Variants in TARDBP observed in about 807,000 individuals in gnomAD.
The protein encoded by TARDBP is TAR DNA-binding protein 43.
Under a neutral mutation model 38.3 loss-of-function variants are expected in TARDBP, and 4 were observed. The observed-to-expected ratio is 0.10, with a 90% confidence interval of 0.05 to 0.24. The LOEUF (loss-of-function observed/expected upper bound fraction) is 0.24, where lower values mean the gene tolerates loss of function less well. Among genes scored for constraint, TARDBP ranks in the 10% least tolerant of loss-of-function variants. The pLI is 1.00. For missense variants in TARDBP, 202 were observed against 521.9 expected (o/e 0.39, Z 5.97); for synonymous variants, 184 against 183.8 (o/e 1.00, Z -0.01).
intron 2 of TARDBP, 78 bp downstream of exon 2, chr1:11,014,043 T>C: frequency 7.0e-7 from 1 of 1,425,082 alleles, no homozygotes; most frequent in Non-Finnish European, 9.9e-7. Flanking sequence ...TTAGCCTCTT[T>C]TGGTGGCAGA....
chr1:11,028,401 A>G (rs1643776067), downstream of TARDBP, among the ~76,000 whole-genome samples: 1 of 152,204 alleles, frequency 6.6e-6, no homozygotes, highest in Non-Finnish European at 1.5e-5. Context: ...CAGGATTTGC[A>G]AAATTACTTT....
intron 2 of TARDBP, among the ~76,000 whole-genome samples, chr1:11,015,874 C>T (rs1643512760): frequency 6.6e-6 from 1 of 150,740 alleles, no homozygotes; most frequent in Non-Finnish European, 1.5e-5. Flanking sequence ...TCATGAGTAG[C>T]TGGGATTACA....
At chr1:11,014,693 C>T (rs1570713158) in intron 2 of TARDBP, among the ~76,000 whole-genome samples, 1 of 152,278 alleles carries the variant, frequency 6.6e-6, no homozygotes, top group East Asian at 1.9e-4. Context: ...AATCCCAGCA[C>T]TTTGGGAGGC....
downstream of TARDBP, among the ~76,000 whole-genome samples, chr1:11,029,000 T>A (rs1270765299): frequency 6.8e-6 from 1 of 146,668 alleles, no homozygotes; most frequent in Non-Finnish European, 1.5e-5. Flanking sequence ...TTTCTTTTTC[T>A]CTTTTTTTTT....
chr1:11,019,571 CTTTT>C (rs879585461), intron 4 of TARDBP, among the ~76,000 whole-genome samples: 3 of 146,886 alleles, frequency 2.0e-5, no homozygotes, highest in African/African-American at 7.5e-5. Context: ...TGCACAACGA[CTTTT>C]TTTTTTTGAG....
rs900341963 is a variant in TARDBP, at chr1:11,024,128, C to G, written c.*1474C>G. The G allele has an allele frequency of 6.6e-6, 1 of 152,548 alleles. No individual in the cohort carries two copies. The highest frequency in any genetic ancestry group is 2.4e-5 in the African/African-American group (1 of 41,426). 9.4% of individuals were successfully genotyped at this position (152,548 alleles called of 1,614,324 possible). A position where few individuals can be genotyped will look rare whatever the true frequency, so the allele number is the denominator to read the frequency against. ...TTTGACCCTTTTGAGATGGAACTTT[C>G]ATAAAGTTTCTTGGCAGTAGTTTAT... is the stretch of plus-strand genomic sequence containing the variant. On this transcript the variant is annotated 3_prime_UTR_variant, in exon 6 of 6. Coordinates refer to ENST00000240185, the MANE Select transcript of TARDBP (RefSeq NM_007375.4).
intron 4 of TARDBP, among the ~76,000 whole-genome samples, chr1:11,019,957 G>A (rs12032043): frequency 4.7e-5 from 7 of 149,404 alleles, no homozygotes; most frequent in South Asian, 2.1e-4. Context: ...CTCCTCTTCC[G>A]GGTTCAAGTG....
chr1:11,027,129 G>A, downstream of TARDBP: 1 of 1,612,736 alleles, frequency 6.2e-7, no homozygotes, highest in Non-Finnish European at 8.5e-7. Context: ...CCTTGGATAG[G>A]GTGGCTTTTC....
chr1:11,013,133 G>A (rs1383663167), intron 1 of TARDBP, among the ~76,000 whole-genome samples: 3 of 152,248 alleles, frequency 2.0e-5, no homozygotes, highest in Admixed American at 6.5e-5. Context: ...GGCGACGGCC[G>A]GCACCGCCAG....
chr1:11,027,647 A>G (rs772988071), downstream of TARDBP: 7 of 1,593,702 alleles, frequency 4.4e-6, no homozygotes, highest in Admixed American at 1.3e-4. Flanking sequence ...ATAGTCCACA[A>G]ACTGGAGAAA....
At chr1:11,014,889 T>C (rs1185348104) in intron 2 of TARDBP, among the ~76,000 whole-genome samples, 3 of 151,810 alleles carry the variant, frequency 2.0e-5, no homozygotes, top group East Asian at 1.9e-4. Context: ...TGAGCAGAGA[T>C]TGTGCCATTG....
intron 5 of TARDBP, among the ~76,000 whole-genome samples, chr1:11,021,255 C>G (rs988417545): frequency 6.6e-6 from 1 of 152,016 alleles, no homozygotes; most frequent in African/African-American, 2.4e-5. Context: ...TGTCTTGGCT[C>G]AGCCTCCTGA....
Position 11,014,028 on chromosome 1 carries a change from G to T in TARDBP, c.238+63G>T, listed in dbSNP as rs1356681839. 1.3e-5 allele frequency: 19 copies of T among 1,511,528 alleles called. No individual in the cohort carries two copies. The South Asian group carries it at 2.0e-4, about 16-fold the overall frequency. The allele number at this position is 1,511,528 out of a possible 1,614,324, so 93.6% of individuals were successfully genotyped here. A position where few individuals can be genotyped will look rare whatever the true frequency, so the allele number is the denominator to read the frequency against. On this transcript the variant is annotated intron_variant, in intron 2 of 5. Coordinates refer to ENST00000240185, the MANE Select transcript of TARDBP (RefSeq NM_007375.4). ...GTGTTCAGGTGTGTGTCTCATCCAT[G>T]GATCTTAGCCTCTTTTGGTGGCAGA...
intron 3 of TARDBP, 129 bp from the exon 4 acceptor site, chr1:11,018,604 A>T: frequency 2.4e-6 from 3 of 1,267,178 alleles, no homozygotes; most frequent in Non-Finnish European, 2.3e-6. Context: ...GTTAAGACTA[A>T]CTTGGTTTAA....
chr1:11,030,466 A>G (rs949490630), downstream of TARDBP: 13 of 582,774 alleles, frequency 2.2e-5, no homozygotes, highest in African/African-American at 2.1e-4. Context: ...TTGAATATGT[A>G]TCAAGATCTC....
downstream of TARDBP, chr1:11,027,218 G>A (rs776094266): frequency 1.9e-6 from 3 of 1,614,106 alleles, no homozygotes; most frequent in South Asian, 2.2e-5. Flanking sequence ...AACCCCTTTG[G>A]GTTAATCCCC....
intron 5 of TARDBP, among the ~76,000 whole-genome samples, chr1:11,021,160 C>CA (rs1643629848): frequency 6.7e-6 from 1 of 149,930 alleles, no homozygotes; most frequent in Admixed American, 6.7e-5. Flanking sequence ...TTTTTTGAGA[C>CA]AGAGTTTTGC....
In TARDBP at chr1:11,016,848, C is replaced by T; in HGVS notation, c.243C>T (p.Asn81=). 1.2e-6 allele frequency: 2 copies of T among 1,613,762 alleles called. No homozygotes were observed. The highest frequency in any genetic ancestry group is 1.7e-6 in the Non-Finnish European group (2 of 1,179,954). The change falls in exon 3 of 6, where the codon AAC becomes AAT. Residue 81 remains asparagine, a synonymous_variant. Transcript: ENST00000240185. Reference sequence around the variant, plus strand: ...GTTTCTGCTCGTTTTATTTAGATAACAAAAGAAAAATGGATGAGACAGATG... The same window carrying T: ...GTTTCTGCTCGTTTTATTTAGATAATAAAAGAAAAATGGATGAGACAGATG... ...LVYVVNYPKD[N]KRKMDETDAS...
At chr1:11,021,977 T>G in intron 5 of TARDBP, 147 bp from the exon 6 acceptor site, 12 of 852,860 alleles carry the variant, frequency 1.4e-5, no homozygotes, top group East Asian at 5.5e-5. Context: ...AAAAGCTGTA[T>G]TGGGGGTTTA....
Sources: allele counts gnomAD v4.1 joint callset (sites outside exome capture counted in the v4.1 genomes callset), GRCh38; gene constraint gnomAD v4.1.1; transcripts MANE v1.5; gene names NCBI Gene and HGNC (gene_info 2026-07-23, HGNC 2026-07-21).